The following DPP6 variants were observed in gnomAD, a reference collection of about 807,000 sequenced individuals.
DPP6 encodes the protein dipeptidyl peptidase like 6, also known as A-type potassium channel modulatory protein DPP6.
A neutral mutation model predicts 122.6 loss-of-function variants in DPP6; 69 were observed. The observed-to-expected ratio is 0.56, with a 90% CI of 0.46 to 0.69. The LOEUF (loss-of-function observed/expected upper bound fraction) is 0.69, where lower values mean the gene tolerates loss of function less well. DPP6 is among the 30% of genes least tolerant of loss of function. DPP6 has a pLI of 0.00. For missense variants in DPP6, 928 were observed against 1,116.9 expected, an observed-to-expected ratio of 0.83 and a Z score of 2.41; for synonymous variants, 418 against 433.1, an observed-to-expected ratio of 0.97 and a Z score of 0.43.
intron 1 of DPP6, among the ~76,000 whole-genome samples, chr7:154,125,662 C>G (rs955907303): frequency 6.6e-6 from 1 of 152,182 alleles, no homozygotes; most frequent in Non-Finnish European, 1.5e-5. Context: ...CTTTCTTCTG[C>G]TGGTGCACAT....
chr7:154,474,871 T>C lies in DPP6; in HGVS notation c.359-68T>C, dbSNP rs987949264. 1.5e-4 allele frequency: 181 copies of C among 1,215,424 alleles called. 1 individual carries two copies. The Admixed American group carries it at 3.1e-3, about 21-fold the overall frequency. The allele number at this position is 1,215,424 out of a possible 1,614,324, so 75.3% of individuals were successfully genotyped here. The stretch of plus-strand genomic sequence containing the variant: ...TACTATTTATAAATGACAATCAGAA[T>C]GTTTATGGTCCTCTCATTTTACTAA... On this transcript the variant is annotated intron_variant, in intron 2 of 25. Coordinates refer to ENST00000377770, the MANE Select transcript of DPP6 (RefSeq NM_130797.4).
chr7:154,336,095 C>G (rs916468396), intron 1 of DPP6, among the ~76,000 whole-genome samples: 3 of 152,002 alleles, frequency 2.0e-5, no homozygotes, highest in African/African-American at 7.2e-5. Flanking sequence ...TATTAGAACA[C>G]AGGGCGTCAG....
chr7:154,817,134 G>T (rs540206799), intron 16 of DPP6, among the ~76,000 whole-genome samples: 1 of 152,132 alleles, frequency 6.6e-6, no homozygotes, highest in Non-Finnish European at 1.5e-5. Context: ...AAGGTGTCCT[G>T]CAAATATGTA....
intron 7 of DPP6, among the ~76,000 whole-genome samples, chr7:154,694,534 C>T (rs561645635): frequency 2.6e-5 from 4 of 152,254 alleles, no homozygotes; most frequent in African/African-American, 9.6e-5. Flanking sequence ...ATCGCTTGAA[C>T]CCGGGAGGCA....
the DPP6 span, among the ~76,000 whole-genome samples, chr7:153,815,942 C>G: frequency 6.6e-6 from 1 of 152,098 alleles, no homozygotes; most frequent in East Asian, 1.9e-4. Context: ...CAATGTTTGT[C>G]AAGAAGCTAG....
At chr7:153,878,957 G>A in the DPP6 span, among the ~76,000 whole-genome samples, 1 of 151,284 alleles carries the variant, frequency 6.6e-6, no homozygotes, top group Non-Finnish European at 1.5e-5. Context: ...AGGGGAGATG[G>A]GAAAAAAGGA....
At chr7:154,445,916 T>A (rs1819828191) in intron 1 of DPP6, among the ~76,000 whole-genome samples, 1 of 152,110 alleles carries the variant, frequency 6.6e-6, no homozygotes, top group Admixed American at 6.6e-5. Context: ...AGAGTCTGGT[T>A]TATTGGGAGG....
At chr7:153,978,006 A>G (rs6942657) in intron 1 of DPP6, among the ~76,000 whole-genome samples, 8,067 of 152,138 alleles carry the variant, frequency 0.053, 683 homozygotes, top group African/African-American at 0.18. Flanking sequence ...TAGTGCCACA[A>G]TAAATATACG....
At chr7:154,422,707 A>AGATGGATGGTTGGGTG (rs1817574564) in intron 1 of DPP6, among the ~76,000 whole-genome samples, 1 of 129,984 alleles carries the variant, frequency 7.7e-6, no homozygotes, top group Non-Finnish European at 1.6e-5. Context: ...GTGGGTGGGT[A>AGATGGATGGTTGGGTG]GATGGATGGG....
intron 1 of DPP6, among the ~76,000 whole-genome samples, chr7:154,076,579 G>A (rs942021581): frequency 1.6e-4 from 24 of 150,708 alleles, no homozygotes; most frequent in Non-Finnish European, 2.8e-4. Flanking sequence ...TAATAGATTA[G>A]TTTTATTTTG....
intron 1 of DPP6, among the ~76,000 whole-genome samples, chr7:154,107,112 T>A (rs1806219380): frequency 6.6e-6 from 1 of 152,170 alleles, no homozygotes; most frequent in Non-Finnish European, 1.5e-5. Context: ...TGAAATCAGC[T>A]TGTCAAAGAG....
At chr7:153,896,863 A>AG (rs1270830047) in intron 1 of DPP6, among the ~76,000 whole-genome samples, 1 of 152,194 alleles carries the variant, frequency 6.6e-6, no homozygotes, top group Non-Finnish European at 1.5e-5. Flanking sequence ...AGAAAATCAA[A>AG]GATTATCTTG....
At chr7:154,616,518 G>C (rs1834267130) in intron 5 of DPP6, among the ~76,000 whole-genome samples, 1 of 152,110 alleles carries the variant, frequency 6.6e-6, no homozygotes, top group South Asian at 2.1e-4. Context: ...AGAGTTGCTG[G>C]TTTAGGAGGG....
the DPP6 span, among the ~76,000 whole-genome samples, chr7:153,843,424 A>C: frequency 0.024 from 3,656 of 152,244 alleles, 131 homozygotes; most frequent in African/African-American, 0.082. Flanking sequence ...CCAGCACCCC[A>C]CAATGCAACG....
At chr7:154,361,073 A>G (rs1367991978) in intron 1 of DPP6, among the ~76,000 whole-genome samples, 2 of 152,078 alleles carry the variant, frequency 1.3e-5, no homozygotes, top group East Asian at 1.9e-4. Flanking sequence ...GAGATTCTGT[A>G]TAGTAAGGTG....
chr7:153,889,491 C>G (rs569455669), intron 1 of DPP6, among the ~76,000 whole-genome samples: 1 of 152,184 alleles, frequency 6.6e-6, no homozygotes, highest in African/African-American at 2.4e-5. Context: ...ATTATTGACT[C>G]ATTACATCAA....
intron 1 of DPP6, among the ~76,000 whole-genome samples, chr7:153,977,588 G>T (rs2129036378): frequency 6.6e-6 from 1 of 151,918 alleles, no homozygotes; most frequent in African/African-American, 2.4e-5. Context: ...TTTAAGTTCT[G>T]GGATACATGT....
intron 1 of DPP6, among the ~76,000 whole-genome samples, chr7:154,325,113 C>T (rs940922198): frequency 3.9e-5 from 6 of 152,088 alleles, no homozygotes; most frequent in Non-Finnish European, 8.8e-5. Context: ...GTGATTCTCC[C>T]ACCTTGGCCT....
intron 1 of DPP6, among the ~76,000 whole-genome samples, chr7:154,173,173 A>G (rs1797621748): frequency 6.6e-6 from 1 of 152,192 alleles, no homozygotes; most frequent in Non-Finnish European, 1.5e-5. Context: ...TGGTTAATTT[A>G]TCCCAATAAC....
Sources: allele counts gnomAD v4.1 joint callset (sites outside exome capture counted in the v4.1 genomes callset), GRCh38; gene constraint gnomAD v4.1.1; transcripts MANE v1.5; gene names NCBI Gene and HGNC (gene_info 2026-07-23, HGNC 2026-07-21).